Variants in UQCC1 observed in about 807,000 individuals in gnomAD.
UQCC1 encodes the protein bFGF-repressed Zic-binding protein.
In UQCC1, 38 loss-of-function variants were observed where a neutral mutation model predicts 48.0. That is an observed-to-expected ratio of 0.79 (90% CI 0.61 to 1.04). UQCC1 has a LOEUF of 1.04. Among genes scored for constraint, UQCC1 ranks in the 50% least tolerant of loss-of-function variants. The pLI, the probability that UQCC1 is intolerant of heterozygous loss-of-function variation, is 0.00. For missense variants in UQCC1, 368 were observed against 381.8 expected (o/e 0.96, Z 0.30); for synonymous variants, 111 against 129.2 (o/e 0.86, Z 0.95).
intron 6 of UQCC1, among the ~76,000 whole-genome samples, chr20:35,351,756 G>A (rs1000243853): frequency 1.3e-5 from 2 of 152,186 alleles, no homozygotes; most frequent in Admixed American, 1.3e-4. Flanking sequence ...ATCAACATGG[G>A]ATGAAGTGTT....
In UQCC1 at chr20:35,347,259, G is replaced by A. The variant is rs1399329434; in HGVS notation, c.478C>T (p.Arg160Ter). 12 of 1,613,790 alleles carry A rather than the reference G, an allele frequency of 7.4e-6. No homozygotes were observed. The highest frequency in any genetic ancestry group is 1.3e-5 in the African/African-American group (1 of 74,834). Residue 160 changes from arginine to a stop codon, truncating the protein, a stop_gained, in exon 7 of 10, where the codon CGA becomes TGA. Transcript: ENST00000374385. LOFTEE classifies it high-confidence loss of function. ...CCACTCCGGCCTTCCTGCTTCATTC[G>A]GACTAGACACATCCTGGGTGGGAAG... ...TLLHVWMCLVRMKQEGRSGKY... is the reference protein window; with the variant it reads ...TLLHVWMCLV
At position 35,387,913 on chromosome 20, in the gene UQCC1, T is replaced by C. The variant is rs1483949952; in HGVS notation, c.130-3780A>G. Among the ~76,000 whole-genome samples the C allele has an allele frequency of 2.6e-5, 4 of 152,216 alleles. No homozygotes were observed. The East Asian group carries it at 5.8e-4, about 22-fold the overall frequency. ...TGCAACTTACTGAAGATCTCCTGTA[T>C]GTCTAGTACCTACCTACATGCTTGG... is the stretch of plus-strand genomic sequence containing the variant. On this transcript the variant is annotated intron_variant, in intron 2 of 9. Coordinates refer to ENST00000374385, the MANE Select transcript of UQCC1 (RefSeq NM_018244.5).
chr20:35,393,408 G>A (rs1359734717), intron 2 of UQCC1, among the ~76,000 whole-genome samples: 1 of 151,186 alleles, frequency 6.6e-6, no homozygotes, highest in Non-Finnish European at 1.5e-5. Context: ...TAAGTGAAAA[G>A]GTACCAGAAT....
chr20:35,387,880 A>G (rs2061964523), intron 2 of UQCC1, among the ~76,000 whole-genome samples: 1 of 152,166 alleles, frequency 6.6e-6, no homozygotes, highest in South Asian at 2.1e-4. Context: ...AGCAACAAAA[A>G]TAGCAATTGC....
intron 7 of UQCC1, among the ~76,000 whole-genome samples, chr20:35,331,646 A>G (rs1199243493): frequency 6.6e-6 from 1 of 152,204 alleles, no homozygotes; most frequent in Non-Finnish European, 1.5e-5. Flanking sequence ...AAACTAAAGC[A>G]TTTATGCCCA....
intron 1 of UQCC1, among the ~76,000 whole-genome samples, chr20:35,403,662 A>G (rs1429362999): frequency 6.6e-6 from 1 of 152,226 alleles, no homozygotes; most frequent in East Asian, 1.9e-4. Flanking sequence ...GAACCAACCC[A>G]AATGCCCAAC....
At chr20:35,364,190 C>A (rs140481301) in intron 6 of UQCC1, among the ~76,000 whole-genome samples, 35 of 152,290 alleles carry the variant, frequency 2.3e-4, no homozygotes, top group African/African-American at 8.2e-4. Flanking sequence ...CTTTCTCTGA[C>A]AGAAATTCTA....
intron 2 of UQCC1, chr20:35,392,306 T>C: frequency 1.5e-6 from 2 of 1,303,782 alleles, no homozygotes; most frequent in Non-Finnish European, 2.0e-6. Flanking sequence ...CTCCAGTAAG[T>C]TACAGTCGAT....
chr20:35,407,928 G>A (rs1020380244), intron 1 of UQCC1, among the ~76,000 whole-genome samples: 8 of 152,162 alleles, frequency 5.3e-5, no homozygotes, highest in South Asian at 4.1e-4. Context: ...AGGCTGAGGC[G>A]GGAGAATCAC....
intron 6 of UQCC1, among the ~76,000 whole-genome samples, chr20:35,360,210 G>A (rs1036731319): frequency 6.6e-6 from 1 of 152,174 alleles, no homozygotes; most frequent in African/African-American, 2.4e-5. Context: ...CTGGGGGAGG[G>A]CAAAAGAGGA....
Position 35,306,768 on chromosome 20 carries a change from T to C in UQCC1, c.663A>G (p.Ser221=), listed in dbSNP as rs745891434. The change falls in exon 9 of 10, where the codon TCA becomes TCG. Residue 221 remains serine (S), a synonymous_variant. Transcript: ENST00000374385. ...AILGYDEGIL[S]DDHGLAAALW... The stretch of plus-strand genomic sequence containing the variant: ...GGGCAGCGGCCAGCCCATGATCATC[T>C]GAAAGGATCCCCTGGAACATACAGC... 6.2e-7 allele frequency: 1 copy of C among 1,613,976 alleles called. No individual in the cohort carries two copies. The highest frequency in any genetic ancestry group is 1.1e-5 in the South Asian group (1 of 91,082).
At chr20:35,382,135 C>G in intron 3 of UQCC1, 110 bp from the exon 4 acceptor site, 1 of 615,728 alleles carries the variant, frequency 1.6e-6, no homozygotes, top group South Asian at 1.9e-5. Flanking sequence ...CAGTCAGGGT[C>G]TCCTCCCCTC....
At chr20:35,379,597 G>C (rs2061842330) in intron 4 of UQCC1, among the ~76,000 whole-genome samples, 2 of 152,168 alleles carry the variant, frequency 1.3e-5, no homozygotes, top group South Asian at 4.1e-4. Flanking sequence ...TTGAGGTCAG[G>C]AGTTGGAGAC....
At chr20:35,315,700 G>A (rs2061049867) in intron 7 of UQCC1, among the ~76,000 whole-genome samples, 1 of 152,168 alleles carries the variant, frequency 6.6e-6, no homozygotes, top group Non-Finnish European at 1.5e-5. Context: ...ACCAGCCTGG[G>A]CAACATGGCG....
intron 8 of UQCC1, among the ~76,000 whole-genome samples, chr20:35,314,435 C>A (rs989422526): frequency 3.3e-5 from 5 of 152,200 alleles, no homozygotes; most frequent in African/African-American, 9.7e-5. Flanking sequence ...CCAGCAGCCA[C>A]TCAACAAATG....
rs2061668327 is a variant in UQCC1 at position 35,366,555 on chromosome 20, AC to A, written c.464+1del. 2 of 1,613,630 alleles carry A rather than the reference AC, an allele frequency of 1.2e-6. No homozygotes were observed. The highest frequency in any genetic ancestry group is 2.7e-5 in the African/African-American group (2 of 74,922). On this transcript the variant is annotated splice_donor_variant, in intron 6 of 9. Transcript: ENST00000374385. LOFTEE classifies it high-confidence loss of function. ...GTGACTTCATTTAAATTGCTCACTT[AC>A]CAGACGTGGAGTAGGGTTATAAGAA...
chr20:35,354,050 T>C (rs911391560), intron 6 of UQCC1, among the ~76,000 whole-genome samples: 2 of 152,176 alleles, frequency 1.3e-5, no homozygotes, highest in Non-Finnish European at 2.9e-5. Flanking sequence ...GTTGTATAGG[T>C]CTATAGCCTA....
At chr20:35,407,722 C>G (rs2062273207) in intron 1 of UQCC1, among the ~76,000 whole-genome samples, 1 of 152,126 alleles carries the variant, frequency 6.6e-6, no homozygotes, top group Non-Finnish European at 1.5e-5. Context: ...CCCATCTCTA[C>G]TAAAAATACA....
chr20:35,377,172 A>G (rs1360693195), intron 4 of UQCC1, among the ~76,000 whole-genome samples: 16 of 152,192 alleles, frequency 1.1e-4, no homozygotes, highest in Admixed American at 1.0e-3. Context: ...AAAATTCCTT[A>G]AGAAAATATT....
Sources: gnomAD v4.1 joint callset for allele counts (sites outside exome capture counted in the v4.1 genomes callset) on GRCh38, gnomAD v4.1.1 for gene constraint, MANE v1.5 for transcripts, NCBI Gene and HGNC (gene_info 2026-07-23, HGNC 2026-07-21) for gene names.